FOXP1: variants seen among roughly 807,000 people sequenced by gnomAD.
FOXP1 encodes forkhead box P1.
In FOXP1, 15 loss-of-function variants were observed where a neutral mutation model predicts 98.2. The ratio of observed to expected loss-of-function variants is 0.15; its 90% confidence interval spans 0.10 to 0.24. FOXP1 has a LOEUF of 0.24. Ranked by LOEUF, FOXP1 falls within the 10% of genes least tolerant of loss-of-function variation. FOXP1 has a pLI of 1.00. For synonymous variants in FOXP1, 371 were observed against 314.5 expected, an observed-to-expected ratio of 1.18 and a Z score of -1.90; for missense variants, 633 against 848.5, an observed-to-expected ratio of 0.75 and a Z score of 3.15.
chr3:70,992,696 ACT>A (rs2040791535), intron 13 of FOXP1, among the ~76,000 whole-genome samples: 1 of 151,964 alleles, frequency 6.6e-6, no homozygotes, highest in South Asian at 2.1e-4. Context: ...ATTATTAAAG[ACT>A]CTCTTGACAT....
At chr3:71,029,075 C>G (rs971478308) in intron 11 of FOXP1, among the ~76,000 whole-genome samples, 4 of 152,204 alleles carry the variant, frequency 2.6e-5, no homozygotes, top group African/African-American at 7.2e-5. Context: ...AGACCAGTAC[C>G]AGTCTGTGAA....
At position 70,956,735 on chromosome 3, in the gene FOXP1, T is replaced by A. The variant is rs952576529; in HGVS notation, c.*2512A>T. 1.3e-5 allele frequency: 1 copy of A among 77,098 alleles called. No individual in the cohort carries two copies. Among genetic ancestry groups the A allele is most frequent in the Non-Finnish European group, 2.1e-5 (1 of 47,572 alleles). 4.8% of individuals were successfully genotyped at this position (77,098 alleles called of 1,614,324 possible). A position where few individuals can be genotyped will look rare whatever the true frequency, so the allele number is the denominator to read the frequency against. ...CATCATGAAGCTGCCTGGAAAAGTT[T>A]TTTTTTTTTTTTTTTTTTTTTTTTT... On this transcript the variant is annotated 3_prime_UTR_variant, in exon 21 of 21. Transcript: ENST00000649528.
intron 3 of FOXP1, among the ~76,000 whole-genome samples, chr3:71,476,195 G>C (rs150447358): frequency 1.3e-4 from 20 of 152,312 alleles, no homozygotes; most frequent in Admixed American, 1.2e-3. Context: ...TATAATCCAT[G>C]AGGGAATCTT....
chr3:71,353,698 A>T (rs993857784), intron 4 of FOXP1, among the ~76,000 whole-genome samples: 2 of 152,208 alleles, frequency 1.3e-5, no homozygotes, highest in Admixed American at 1.3e-4. Context: ...TGTAAATAAG[A>T]GTATATGATT....
chr3:71,477,757 G>T (rs903078035), intron 3 of FOXP1, among the ~76,000 whole-genome samples: 2 of 152,154 alleles, frequency 1.3e-5, no homozygotes, highest in African/African-American at 2.4e-5. Context: ...GATTATTCAA[G>T]TGACAATGGA....
At chr3:71,491,427 G>T (rs1391326986) in intron 3 of FOXP1, among the ~76,000 whole-genome samples, 11 of 152,188 alleles carry the variant, frequency 7.2e-5, no homozygotes, top group Admixed American at 6.5e-4. Context: ...ACGGGTGAGA[G>T]AACCGAACAA....
At chr3:71,096,915 C>T (rs78445713) in intron 7 of FOXP1, among the ~76,000 whole-genome samples, 1,949 of 152,120 alleles carry the variant, frequency 0.013, 30 homozygotes, top group African/African-American at 0.044. Flanking sequence ...TCTTAATGCA[C>T]GGATAGATTT....
At chr3:71,417,219 T>G (rs1203584930) in intron 3 of FOXP1, among the ~76,000 whole-genome samples, 1 of 152,210 alleles carries the variant, frequency 6.6e-6, no homozygotes. Context: ...CTGAGCCCAG[T>G]CGTCCACACG....
chr3:71,558,038 C>A (rs982927238), intron 2 of FOXP1, among the ~76,000 whole-genome samples: 1 of 152,060 alleles, frequency 6.6e-6, no homozygotes, highest in Non-Finnish European at 1.5e-5. Flanking sequence ...GCTGGTGACC[C>A]GCCCACCTAG....
At chr3:71,116,066 C>G (rs774410210) in intron 6 of FOXP1, among the ~76,000 whole-genome samples, 6 of 152,138 alleles carry the variant, frequency 3.9e-5, no homozygotes, top group Non-Finnish European at 8.8e-5. Flanking sequence ...TGAGCATGGT[C>G]TCATAAATGT....
In FOXP1 at chr3:71,233,639, A is replaced by T. The variant is rs969558370; in HGVS notation, c.-11-35247T>A. ...GTATTTTTAGTAGAGACAGGGTTTC[A>T]CCATATTGGCCAGGCTGACCTCAGA... is the stretch of plus-strand genomic sequence containing the variant. On this transcript the variant is annotated intron_variant, in intron 5 of 20. Coordinates refer to ENST00000649528, the MANE Select transcript of FOXP1 (RefSeq NM_001349338.3). 1.3e-4 allele frequency among the ~76,000 whole-genome samples: 17 copies of T among 135,002 alleles called. 1 individual carries two copies. Among genetic ancestry groups the T allele is most frequent in the African/African-American group, 4.8e-4 (17 of 35,584 alleles). 88.6% of individuals were successfully genotyped at this position (135,002 alleles called of 152,430 possible).
intron 6 of FOXP1, among the ~76,000 whole-genome samples, chr3:71,175,070 G>A (rs1159555082): frequency 2.6e-5 from 4 of 151,922 alleles, no homozygotes; most frequent in South Asian, 2.1e-4. Flanking sequence ...CTGCCACCAC[G>A]CCTCGCTAAT....
chr3:71,064,785 GGA>G (rs1196725670), intron 7 of FOXP1: 1 of 984,784 alleles, frequency 1.0e-6, no homozygotes, highest in East Asian at 1.1e-4. Flanking sequence ...GCCGGGGGAA[GGA>G]GAGCGAAACC....
chr3:71,527,624 A>C (rs1329545735), intron 2 of FOXP1, among the ~76,000 whole-genome samples: 1 of 152,226 alleles, frequency 6.6e-6, no homozygotes, highest in Non-Finnish European at 1.5e-5. Context: ...AGAGGTGCAG[A>C]GTGTAACCAG....
intron 6 of FOXP1, among the ~76,000 whole-genome samples, chr3:71,177,743 G>A (rs931447699): frequency 6.6e-5 from 10 of 151,978 alleles, no homozygotes; most frequent in African/African-American, 2.4e-4. Context: ...TGAGTATGGA[G>A]AGCAGAGGCT....
intron 11 of FOXP1, among the ~76,000 whole-genome samples, chr3:71,038,424 G>C (rs535219196): frequency 6.6e-6 from 1 of 152,138 alleles, no homozygotes; most frequent in Non-Finnish European, 1.5e-5. Context: ...GGAAGGACAC[G>C]TATTTCACAA....
chr3:71,188,709 T>C (rs1443423698), intron 6 of FOXP1, among the ~76,000 whole-genome samples: 1 of 152,186 alleles, frequency 6.6e-6, no homozygotes, highest in Admixed American at 6.5e-5. Flanking sequence ...CACCAGCTGC[T>C]TTGTCTCTTT....
chr3:71,381,437 CTTTTT>C (rs1171799165), intron 3 of FOXP1, among the ~76,000 whole-genome samples: 4 of 77,702 alleles, frequency 5.1e-5, no homozygotes, highest in African/African-American at 5.9e-5. Context: ...TGCGCCTGGC[CTTTTT>C]TTTTTTTTTT....
rs1003772391 is a variant in FOXP1 at position 70,957,428 on chromosome 3, C to G, written c.*1819G>C. ...GTCATTTGCCTCTAAATTCTTTTGC[C>G]TCCTTTGATCAACAATAAGAGGATA... On this transcript the variant is annotated 3_prime_UTR_variant, in exon 21 of 21. Coordinates refer to ENST00000649528, the MANE Select transcript of FOXP1 (RefSeq NM_001349338.3). The G allele has an allele frequency of 7.4e-5, 17 of 230,190 alleles. No individual in the cohort carries two copies. Among genetic ancestry groups the G allele is most frequent in the African/African-American group, 3.8e-4 (17 of 45,274 alleles). The allele number at this position is 230,190 out of a possible 1,614,324, so 14.3% of individuals were successfully genotyped here. A position where few individuals can be genotyped will look rare whatever the true frequency, so the allele number is the denominator to read the frequency against.
Sources: gnomAD v4.1 joint callset for allele counts (sites outside exome capture counted in the v4.1 genomes callset) on GRCh38, gnomAD v4.1.1 for gene constraint, MANE v1.5 for transcripts, NCBI Gene and HGNC (gene_info 2026-07-23, HGNC 2026-07-21) for gene names.